Variants in SLC12A1 observed in about 807,000 individuals in gnomAD.
SLC12A1 encodes Na-K-2Cl cotransporter.
In SLC12A1, 89 loss-of-function variants were observed where a neutral mutation model predicts 130.4. The ratio of observed to expected loss-of-function variants is 0.68; its 90% confidence interval spans 0.58 to 0.81. The LOEUF is 0.81. Ranked by LOEUF, SLC12A1 falls within the 40% of genes least tolerant of loss-of-function variation. The pLI is 0.00. For missense variants in SLC12A1, 1,310 were observed against 1,336.4 expected (o/e 0.98, Z 0.31); for synonymous variants, 499 against 460.0 (o/e 1.08, Z -1.09).
chr15:48,284,065 G>A (rs1456825201), intron 20 of SLC12A1, among the ~76,000 whole-genome samples: 1 of 152,234 alleles, frequency 6.6e-6, no homozygotes, highest in Non-Finnish European at 1.5e-5. Context: ...TGGATAGTGT[G>A]TCTCAACCTT....
intron 9 of SLC12A1, among the ~76,000 whole-genome samples, chr15:48,240,010 C>T (rs1479350450): frequency 1.0e-5 from 1 of 96,666 alleles, no homozygotes; most frequent in African/African-American, 4.9e-5. Context: ...ATCTGTTATC[C>T]ATATATATAT....
chr15:48,227,282 C>T (rs990179909), intron 5 of SLC12A1: 2 of 872,192 alleles, frequency 2.3e-6, no homozygotes, highest in Admixed American at 4.6e-5. Context: ...TCCCCAGTGT[C>T]CTAAACAAAA....
intron 15 of SLC12A1, among the ~76,000 whole-genome samples, chr15:48,253,137 T>G (rs532632809): frequency 1.3e-4 from 20 of 152,366 alleles, no homozygotes; most frequent in African/African-American, 4.8e-4. Flanking sequence ...AAAGCAGAGC[T>G]TGTAGTAACT....
At position 48,251,825 on chromosome 15, in the gene SLC12A1, T is replaced by C. The variant is rs2041652390; in HGVS notation, c.1942+55T>C. The stretch of plus-strand genomic sequence containing the variant: ...TCCAAATCTCTCTCTAACTACTCAT[T>C]TATTAAGCATTTATTGAGCAGCTTC... On this transcript the variant is annotated intron_variant, in intron 15 of 26. Coordinates refer to ENST00000380993, the MANE Select transcript of SLC12A1 (RefSeq NM_000338.3). 2.6e-6 allele frequency: 4 copies of C among 1,510,006 alleles called. No homozygotes were observed. The South Asian group carries it at 4.7e-5, about 18-fold the overall frequency. 93.5% of individuals were successfully genotyped at this position (1,510,006 alleles called of 1,614,324 possible). A position where few individuals can be genotyped will look rare whatever the true frequency, so the allele number is the denominator to read the frequency against.
At chr15:48,283,567 A>T (rs35391394) in intron 20 of SLC12A1, among the ~76,000 whole-genome samples, 3,782 of 152,352 alleles carry the variant, frequency 0.025, 73 homozygotes, top group African/African-American at 0.047. Flanking sequence ...AATTGCTAAG[A>T]CCTGGAAAGG....
intron 9 of SLC12A1, among the ~76,000 whole-genome samples, chr15:48,235,901 G>C (rs1009292943): frequency 3.9e-5 from 6 of 152,076 alleles, no homozygotes; most frequent in Non-Finnish European, 8.8e-5. Context: ...GCAATTCCTA[G>C]AACTTGCATG....
At chr15:48,282,594 C>A (rs2042019412) in intron 20 of SLC12A1, among the ~76,000 whole-genome samples, 2 of 151,812 alleles carry the variant, frequency 1.3e-5, no homozygotes, top group South Asian at 4.2e-4. Context: ...CCCTGCAATA[C>A]CCCAGAAGAC....
At chr15:48,285,747 C>T (rs2042049994) in intron 21 of SLC12A1, among the ~76,000 whole-genome samples, 1 of 152,232 alleles carries the variant, frequency 6.6e-6, no homozygotes, top group Non-Finnish European at 1.5e-5. Context: ...GTACTCACTA[C>T]CTGTAGATTT....
At chr15:48,217,825 G>C (rs1166986122) in intron 2 of SLC12A1, 1 of 152,218 alleles carries the variant, frequency 6.6e-6, no homozygotes, top group Non-Finnish European at 1.5e-5. Context: ...TTGTTTGTTT[G>C]AGATAGGGTC....
At chr15:48,299,396 C>A in intron 25 of SLC12A1, 121 bp downstream of exon 25, 3 of 923,738 alleles carry the variant, frequency 3.2e-6, no homozygotes, top group Non-Finnish European at 4.5e-6. Context: ...AAGATCCAAG[C>A]TTTCTGCATT....
chr15:48,297,393 TCTGGAAGAAGACATA>T (rs2042188321), intron 24 of SLC12A1, among the ~76,000 whole-genome samples: 1 of 152,188 alleles, frequency 6.6e-6, no homozygotes, highest in Non-Finnish European at 1.5e-5. Context: ...GGCCAATTAC[TCTGGAAGAAGACATA>T]GAGTTGTGCT....
In SLC12A1 at chr15:48,265,134, T is replaced by C. The variant is rs146423697; in HGVS notation, c.2155-2427T>C. Among the ~76,000 whole-genome samples the C allele has an allele frequency of 1.4e-3, 207 of 152,314 alleles. 3 individuals carry two copies. The East Asian group carries it at 0.038, about 28-fold the overall frequency. ...TGCTTTATTCTTACCACATTTGTATTGCAGCCTTCCTTGCTTCACATTAAT... is the reference window on the plus strand; with the variant it reads ...TGCTTTATTCTTACCACATTTGTATCGCAGCCTTCCTTGCTTCACATTAAT... On this transcript the variant is annotated intron_variant, in intron 17 of 26. Transcript: ENST00000380993.
intron 23 of SLC12A1, among the ~76,000 whole-genome samples, chr15:48,289,203 T>C (rs1269243902): frequency 6.6e-6 from 1 of 151,228 alleles, no homozygotes; most frequent in African/African-American, 2.4e-5. Flanking sequence ...ACATGACACA[T>C]CTAGAGGTCT....
At position 48,220,663 on chromosome 15, in the gene SLC12A1, CAG is replaced by C; in HGVS notation, c.453_454del (p.Arg151SerfsTer3). ...TGGCAGTCACCCCAAGTTCAGCTGA[CAG>C]AGTTGCTAACGGTGATGGGATACCT... ...NVAVTPSSAD[R>X]VANGDGIPGD... On this transcript the variant is annotated frameshift_variant, in exon 3 of 27. Coordinates refer to ENST00000380993, the MANE Select transcript of SLC12A1 (RefSeq NM_000338.3). LOFTEE classifies it high-confidence loss of function. The C allele has an allele frequency of 6.2e-7, 1 of 1,613,504 alleles. No homozygotes were observed. Among genetic ancestry groups the C allele is most frequent in the South Asian group, 1.1e-5 (1 of 90,966 alleles).
At chr15:48,300,628 T>C (rs1213413878) in intron 25 of SLC12A1, among the ~76,000 whole-genome samples, 1 of 152,262 alleles carries the variant, frequency 6.6e-6, no homozygotes, top group Non-Finnish European at 1.5e-5. Flanking sequence ...TTATAAAGTC[T>C]GTGTGTAACA....
chr15:48,271,518 C>A (rs895770541), intron 19 of SLC12A1, among the ~76,000 whole-genome samples: 1 of 114,794 alleles, frequency 8.7e-6, no homozygotes, highest in African/African-American at 5.2e-5. Flanking sequence ...TAACATTTAT[C>A]ATTATATTTA....
At chr15:48,242,297 A>G (rs1389769174) in intron 10 of SLC12A1, among the ~76,000 whole-genome samples, 1 of 152,200 alleles carries the variant, frequency 6.6e-6, no homozygotes, top group Non-Finnish European at 1.5e-5. Context: ...CATTTAGAGA[A>G]GAAAACCATC....
At chr15:48,209,349 G>A (rs1285907417) in intron 2 of SLC12A1, among the ~76,000 whole-genome samples, 1 of 152,204 alleles carries the variant, frequency 6.6e-6, no homozygotes, top group Non-Finnish European at 1.5e-5. Context: ...TTACAGGTGT[G>A]AGCCACCATG....
At chr15:48,260,538 A>G (rs779405914) in intron 17 of SLC12A1, among the ~76,000 whole-genome samples, 12 of 152,154 alleles carry the variant, frequency 7.9e-5, no homozygotes, top group Non-Finnish European at 1.6e-4. Flanking sequence ...CCCTGTTCCC[A>G]TTTTAGTGAT....
Sources: allele counts gnomAD v4.1 joint callset (sites outside exome capture counted in the v4.1 genomes callset), GRCh38; gene constraint gnomAD v4.1.1; transcripts MANE v1.5; gene names NCBI Gene and HGNC (gene_info 2026-07-23, HGNC 2026-07-21).